The following SLC39A10 variants were observed in gnomAD, a reference collection of about 807,000 sequenced individuals.
SLC39A10 encodes the protein zinc transporter ZIP10.
A neutral mutation model predicts 65.1 loss-of-function variants in SLC39A10; 13 were observed. The observed-to-expected ratio is 0.20, with a 90% CI of 0.13 to 0.32. SLC39A10 has a LOEUF of 0.32. Ranked by LOEUF, SLC39A10 falls within the 10% of genes least tolerant of loss-of-function variation. The probability of loss-of-function intolerance (pLI) is 1.00; values close to 1 mark genes in which losing one functional copy is unlikely to be tolerated. For synonymous variants in SLC39A10, 321 were observed against 342.2 expected (o/e 0.94, Z 0.68); for missense variants, 831 against 1,018.4 (o/e 0.82, Z 2.50).
chr2:195,652,257 T>G (rs1178936603), upstream of SLC39A10, among the ~76,000 whole-genome samples: 2 of 152,002 alleles, frequency 1.3e-5, no homozygotes, highest in African/African-American at 4.8e-5. Context: ...AGAAAAGAAA[T>G]AAAATTTAGC....
chr2:195,634,463 T>C lies in SLC39A10; in HGVS notation c.-12+28230T>C, dbSNP rs144986546. Among the ~76,000 whole-genome samples, 3 of 152,334 alleles carry C rather than the reference T, an allele frequency of 2.0e-5. No individual in the cohort carries two copies. In the East Asian group the frequency reaches 5.8e-4, roughly 29 times the overall value. ...AAGCCACCTGTTTTAGTTGTTCAAC[T>C]TGATGTGCCTCCTTCCAGCTACTGT... is the stretch of plus-strand genomic sequence containing the variant. On this transcript the variant is annotated intron_variant, in intron 2 of 2. Transcript: ENST00000458054.
intron 3 of SLC39A10, among the ~76,000 whole-genome samples, chr2:195,697,272 A>G (rs1382984261): frequency 6.6e-6 from 1 of 152,220 alleles, no homozygotes; most frequent in Non-Finnish European, 1.5e-5. Context: ...GCACTTGAGC[A>G]TCCACAGATT....
chr2:195,680,056 T>A lies in SLC39A10; in HGVS notation c.14T>A (p.Met5Lys). 6.2e-7 allele frequency: 1 copy of A among 1,602,384 alleles called. No homozygotes were observed. Among genetic ancestry groups the A allele is most frequent in the Non-Finnish European group, 8.5e-7 (1 of 1,176,556 alleles). MKVH[M>K]HTKFCLICLL... ...GGAAAAATAGAAATGAAGGTACATA[T>A]GCACACAAAATTTTGCCTCATTTGT... The change falls in exon 2 of 10, where the codon ATG (methionine) becomes AAG (lysine). Residue 5 changes from methionine (M) to lysine (K), a missense_variant. By Grantham distance (95) the Met-to-Lys change is moderately conservative. Around this residue, in one of 4 missense-constraint regions of SLC39A10, gnomAD observed 446 missense variants for 499.2 expected, o/e 0.89. Transcript: ENST00000359634.
chr2:195,706,425 C>G (rs1423435797), intron 3 of SLC39A10, among the ~76,000 whole-genome samples, 191 bp from the exon 4 acceptor site: 1 of 149,698 alleles, frequency 6.7e-6, no homozygotes. Context: ...TGTCTTAATT[C>G]TTTTTAAAAA....
intron 3 of SLC39A10, among the ~76,000 whole-genome samples, chr2:195,688,315 GT>G (rs796472370): frequency 1.3e-5 from 2 of 151,752 alleles, no homozygotes; most frequent in Non-Finnish European, 2.9e-5. Context: ...ACCACCATTG[GT>G]TTTTTTTCCT....
intron 2 of SLC39A10, among the ~76,000 whole-genome samples, chr2:195,613,802 T>C (rs1243195467): frequency 1.3e-5 from 2 of 152,208 alleles, no homozygotes; most frequent in East Asian, 1.9e-4. Context: ...ATAGATCATA[T>C]AAGGATTATA....
intron 3 of SLC39A10, among the ~76,000 whole-genome samples, chr2:195,700,735 A>G (rs1464247066): frequency 1.3e-5 from 2 of 152,222 alleles, no homozygotes; most frequent in Non-Finnish European, 2.9e-5. Flanking sequence ...CTTTGAATGT[A>G]TCGGTCTATT....
At chr2:195,691,827 C>T (rs889089813) in intron 3 of SLC39A10, among the ~76,000 whole-genome samples, 2 of 152,212 alleles carry the variant, frequency 1.3e-5, no homozygotes, top group African/African-American at 4.8e-5. Flanking sequence ...TCTGTTAACT[C>T]TGCTGATTAT....
intron 2 of SLC39A10, among the ~76,000 whole-genome samples, chr2:195,637,731 G>A (rs376709600): frequency 1.2e-4 from 18 of 152,288 alleles, no homozygotes; most frequent in East Asian, 9.6e-4. Context: ...GACATGTTGA[G>A]TTTAACATCC....
intron 2 of SLC39A10, among the ~76,000 whole-genome samples, chr2:195,682,093 T>G (rs1173238929): frequency 1.3e-5 from 2 of 152,224 alleles, no homozygotes; most frequent in African/African-American, 4.8e-5. Flanking sequence ...ACTTACACAT[T>G]TGGTTGACTC....
intron 2 of SLC39A10, among the ~76,000 whole-genome samples, chr2:195,641,648 C>T (rs1164683720): frequency 2.0e-5 from 3 of 150,746 alleles, no homozygotes; most frequent in Non-Finnish European, 4.4e-5. Context: ...TCAATAGCTA[C>T]ATGTGACTAG....
chr2:195,713,095 A>G (rs938551215), intron 5 of SLC39A10, among the ~76,000 whole-genome samples: 3 of 152,148 alleles, frequency 2.0e-5, no homozygotes, highest in South Asian at 2.1e-4. Flanking sequence ...GTTTTTTGGA[A>G]CTTTCTGTTA....
intron 1 of SLC39A10, chr2:195,671,552 T>G (rs1689858118): frequency 1.3e-5 from 2 of 152,168 alleles, no homozygotes; most frequent in Admixed American, 1.3e-4. Context: ...AGAGACATAA[T>G]AGAATATTTT....
intron 2 of SLC39A10, among the ~76,000 whole-genome samples, chr2:195,650,945 TGG>T (rs34512413): frequency 0.6 from 90,871 of 150,626 alleles, 28,122 homozygotes; most frequent in Non-Finnish European, 0.69. Flanking sequence ...CCAGCTACTG[TGG>T]GTGGGGAAGG....
At chr2:195,716,570 C>CAG (rs1691817597) in intron 6 of SLC39A10, 67 bp from the exon 7 acceptor site, 14 of 354,504 alleles carry the variant, frequency 3.9e-5, no homozygotes, top group Non-Finnish European at 5.7e-5. Flanking sequence ...CACTGCTATT[C>CAG]TGTTTAAATT....
At chr2:195,658,435 G>A (rs1188503267) in intron 1 of SLC39A10, 1 of 152,130 alleles carries the variant, frequency 6.6e-6, no homozygotes, top group Non-Finnish European at 1.5e-5. Context: ...AGGTTATACT[G>A]TTTTTTAAAA....
intron 2 of SLC39A10, among the ~76,000 whole-genome samples, chr2:195,644,050 A>G (rs1688860553): frequency 6.6e-6 from 1 of 152,250 alleles, no homozygotes; most frequent in Non-Finnish European, 1.5e-5. Context: ...AGTGCTACAA[A>G]GTATCAAAAC....
intron 8 of SLC39A10, among the ~76,000 whole-genome samples, chr2:195,724,621 A>G (rs1692170773): frequency 6.6e-6 from 1 of 152,172 alleles, no homozygotes; most frequent in Admixed American, 6.5e-5. Flanking sequence ...TTTAGCTTAA[A>G]TCTAACAATA....
chr2:195,729,446 C>G (rs1303063034), intron 9 of SLC39A10, among the ~76,000 whole-genome samples: 1 of 152,162 alleles, frequency 6.6e-6, no homozygotes, highest in Admixed American at 6.5e-5. Flanking sequence ...GATAACCTTG[C>G]TTCTGATTTC....
Sources: allele counts gnomAD v4.1 joint callset (sites outside exome capture counted in the v4.1 genomes callset), GRCh38; gene constraint gnomAD v4.1.1; regional missense constraint gnomAD v4.1.1; transcripts MANE v1.5; gene names NCBI Gene and HGNC (gene_info 2026-07-23, HGNC 2026-07-21).